Variants in TRIM2 observed in about 807,000 individuals in gnomAD.
The protein encoded by TRIM2 is tripartite motif containing 2, also known as tripartite motif-containing protein 2.
A neutral mutation model predicts 75.2 loss-of-function variants in TRIM2; 20 were observed. That is an observed-to-expected ratio of 0.27 (90% confidence interval 0.19 to 0.39). The LOEUF is 0.39. Ranked by LOEUF, TRIM2 falls within the 10% of genes least tolerant of loss-of-function variation. The pLI, the probability that TRIM2 is intolerant of heterozygous loss-of-function variation, is 1.00. For synonymous variants in TRIM2, 373 were observed against 388.3 expected (o/e 0.96, Z 0.46); for missense variants, 660 against 990.8 (o/e 0.67, Z 4.48).
chr4:153,196,990 T>C (rs1273892718), intron 1 of TRIM2, among the ~76,000 whole-genome samples: 1 of 152,194 alleles, frequency 6.6e-6, no homozygotes, highest in Non-Finnish European at 1.5e-5. Context: ...CCATTGGTCA[T>C]ATGCAGACCG....
chr4:153,248,837 C>T lies in TRIM2; in HGVS notation c.31-21498C>T, dbSNP rs577542064. Among the ~76,000 whole-genome samples, 1 of 152,340 alleles carries T rather than the reference C, an allele frequency of 6.6e-6. No individual in the cohort carries two copies. Among genetic ancestry groups the T allele is most frequent in the South Asian group, 2.1e-4 (1 of 4,824 alleles). On this transcript the variant is annotated intron_variant, in intron 1 of 11. Transcript: ENST00000338700. This position sits in a 1 kb window ranked among gnomAD's most constrained non-coding sequence, Gnocchi z 4.0. ...ATTCCCCTGTCCTCTGATTAGCTCCCTCTGCCAAGGTGCCCAGGCTCCTAC... is the reference window on the plus strand; with the variant it reads ...ATTCCCCTGTCCTCTGATTAGCTCCTTCTGCCAAGGTGCCCAGGCTCCTAC...
At chr4:153,190,252 T>C (rs996283952) in intron 1 of TRIM2, among the ~76,000 whole-genome samples, 2 of 152,166 alleles carry the variant, frequency 1.3e-5, no homozygotes, top group Admixed American at 6.5e-5. Flanking sequence ...AGAGAAGATG[T>C]GGGAATGACA....
intron 6 of TRIM2, among the ~76,000 whole-genome samples, chr4:153,311,198 G>A (rs1293582452): frequency 1.6e-4 from 25 of 151,988 alleles, no homozygotes; most frequent in Admixed American, 1.5e-3. Flanking sequence ...CTGAAAAAAC[G>A]TGTGCTTATT....
chr4:153,159,296 CTTTTTTTTTTT>C (rs11318531), intron 1 of TRIM2, among the ~76,000 whole-genome samples: 2 of 89,160 alleles, frequency 2.2e-5, no homozygotes, highest in East Asian at 3.9e-4. Context: ...TTTACAAAAT[CTTTTTTTTTTT>C]TTTTTTTTTT....
At chr4:153,243,818 T>G (rs202012766) in intron 1 of TRIM2, among the ~76,000 whole-genome samples, 1 of 98,720 alleles carries the variant, frequency 1.0e-5, no homozygotes, top group African/African-American at 3.3e-5. Context: ...TTTTTTTTTT[T>G]CCCCCCCCCC....
At chr4:153,211,521 A>T (rs1480783248) in intron 1 of TRIM2, among the ~76,000 whole-genome samples, 1 of 141,498 alleles carries the variant, frequency 7.1e-6, no homozygotes, top group African/African-American at 2.7e-5. Context: ...AGGGTTGCAC[A>T]CTGTTGCCCA....
At chr4:153,283,665 A>AAT (rs199568200) in intron 3 of TRIM2, among the ~76,000 whole-genome samples, 3,505 of 80,686 alleles carry the variant, frequency 0.043, 66 homozygotes, top group South Asian at 0.073. Flanking sequence ...TTTGAGACAG[A>AAT]GTTGCTCTTT....
intron 1 of TRIM2, among the ~76,000 whole-genome samples, chr4:153,262,995 GT>G (rs1247162224): frequency 1.3e-5 from 2 of 152,126 alleles, no homozygotes; most frequent in African/African-American, 4.8e-5. Context: ...TGTCACTAAT[GT>G]TTACCCTCTG....
chr4:153,199,311 G>A (rs1193429984), intron 1 of TRIM2, among the ~76,000 whole-genome samples: 5 of 152,050 alleles, frequency 3.3e-5, no homozygotes, highest in Non-Finnish European at 7.3e-5. Context: ...TTCAAATATA[G>A]TCCTTCCCAG....
intron 6 of TRIM2, among the ~76,000 whole-genome samples, chr4:153,311,586 T>TG: frequency 6.6e-6 from 1 of 152,188 alleles, no homozygotes; most frequent in East Asian, 1.9e-4. Flanking sequence ...CCTCTAAGCC[T>TG]GGGTGCACTT....
intron 1 of TRIM2, among the ~76,000 whole-genome samples, chr4:153,193,383 G>A (rs1475169329): frequency 6.6e-6 from 1 of 152,068 alleles, no homozygotes; most frequent in South Asian, 2.1e-4. Flanking sequence ...CGCCCGCCTT[G>A]TCCTCCCAAA....
intron 7 of TRIM2, 77 bp from the exon 8 acceptor site, chr4:153,315,755 G>A (rs1007166215): frequency 1.7e-5 from 26 of 1,547,266 alleles, no homozygotes; most frequent in Non-Finnish European, 2.3e-5. Context: ...TGTATGTATG[G>A]CAGATGTTTC....
chr4:153,215,104 C>G (rs185236075), intron 1 of TRIM2, among the ~76,000 whole-genome samples: 1 of 152,350 alleles, frequency 6.6e-6, no homozygotes. Flanking sequence ...GCAAATCACA[C>G]TAACTCGAAC....
Position 153,334,970 on chromosome 4 carries a change from T to C in TRIM2, c.*4T>C, listed in dbSNP as rs1165118644. On this transcript the variant is annotated 3_prime_UTR_variant, in exon 12 of 12. Transcript: ENST00000338700. The stretch of plus-strand genomic sequence containing the variant: ...AGTCTATCGATACTTACAGTAATGG[T>C]GGGCAGGTGGATACCCGCTTCCATG... The C allele has an allele frequency of 6.2e-7, 1 of 1,610,694 alleles. No homozygotes were observed.
rs1437683563 is a variant in TRIM2, at chr4:153,338,778, C to G, written c.*3812C>G. The stretch of plus-strand genomic sequence containing the variant: ...AGATTAATAAATTGGCTATGTTGTT[C>G]CAATGAATGTACAGCACTTCCATTA... On this transcript the variant is annotated 3_prime_UTR_variant, in exon 12 of 12. Transcript: ENST00000338700. The G allele has an allele frequency of 1.0e-6, 1 of 985,546 alleles. No homozygotes were observed. The highest frequency in any genetic ancestry group is 1.1e-4 in the East Asian group (1 of 8,828). The allele number at this position is 985,546 out of a possible 1,614,324, so 61.1% of individuals were successfully genotyped here. A position where few individuals can be genotyped will look rare whatever the true frequency, so the allele number is the denominator to read the frequency against.
intron 1 of TRIM2, among the ~76,000 whole-genome samples, chr4:153,263,321 C>A (rs571203312): frequency 6.6e-6 from 1 of 151,688 alleles, no homozygotes; most frequent in African/African-American, 2.4e-5. Context: ...AGAGGGAGAC[C>A]CTGTCTCAAA....
Position 153,339,263 on chromosome 4 carries a change from A to C in TRIM2, c.*4297A>C. 2.3e-6 allele frequency: 2 copies of C among 887,608 alleles called. No individual in the cohort carries two copies. Among genetic ancestry groups the C allele is most frequent in the Non-Finnish European group, 2.7e-6 (2 of 740,422 alleles). The allele number at this position is 887,608 out of a possible 1,614,324, so 55.0% of individuals were successfully genotyped here. ...CATAGGAGAAACAGGATTCATGTGT[A>C]TCTCTTTACCATGCACAAAATCTCA... On this transcript the variant is annotated 3_prime_UTR_variant, in exon 12 of 12. Coordinates refer to ENST00000338700, the MANE Select transcript of TRIM2 (RefSeq NM_015271.5).
chr4:153,162,211 C>G (rs73854374), intron 1 of TRIM2, among the ~76,000 whole-genome samples: 36 of 152,008 alleles, frequency 2.4e-4, no homozygotes, highest in African/African-American at 7.7e-4. Context: ...AAAACAGAAC[C>G]AGTGGGAAAT....
At chr4:153,157,722 G>A (rs1579217172) in intron 1 of TRIM2, among the ~76,000 whole-genome samples, 1 of 152,162 alleles carries the variant, frequency 6.6e-6, no homozygotes, top group Non-Finnish European at 1.5e-5. Context: ...GAGGAGCAGG[G>A]GATGAATAGT....
Sources: allele counts gnomAD v4.1 joint callset (sites outside exome capture counted in the v4.1 genomes callset), GRCh38; gene constraint gnomAD v4.1.1; non-coding constraint Gnocchi (gnomAD v3.1); transcripts MANE v1.5; gene names NCBI Gene and HGNC (gene_info 2026-07-23, HGNC 2026-07-21).